Variants in TOX2 observed in about 807,000 individuals in gnomAD.
TOX2 encodes TOX high mobility group box family member 2, also known as granulosa cell HMG box 1.
TOX2 carries 15 observed loss-of-function variants against 47.4 expected under a neutral mutation model. The observed-to-expected ratio is 0.32, with a 90% confidence interval of 0.21 to 0.49. The LOEUF is 0.49. Ranked by LOEUF, TOX2 falls within the 20% of genes least tolerant of loss-of-function variation. TOX2 has a pLI of 0.99. For missense variants in TOX2, 622 were observed against 673.1 expected (o/e 0.92, Z 0.84); for synonymous variants, 290 against 296.6 (o/e 0.98, Z 0.23).
intron 1 of TOX2, among the ~76,000 whole-genome samples, chr20:43,950,088 C>T (rs182185049): frequency 2.0e-5 from 3 of 152,246 alleles, no homozygotes; most frequent in Non-Finnish European, 4.4e-5. Flanking sequence ...ACATCCTCCT[C>T]TTTCCCACTT....
intron 1 of TOX2, among the ~76,000 whole-genome samples, chr20:43,929,494 C>T (rs1033551004): frequency 7.5e-5 from 9 of 120,740 alleles, no homozygotes; most frequent in Middle Eastern, 4.5e-3. Context: ...TTTCTCAGAT[C>T]CCCCCACCCT....
intron 3 of TOX2, among the ~76,000 whole-genome samples, chr20:44,039,971 C>T (rs540767185): frequency 6.6e-6 from 1 of 152,300 alleles, no homozygotes; most frequent in East Asian, 1.9e-4. Flanking sequence ...GCAGGGTCTC[C>T]ACTGCATCTG....
chr20:43,942,299 T>C (rs2069412423), intron 1 of TOX2, among the ~76,000 whole-genome samples: 1 of 152,194 alleles, frequency 6.6e-6, no homozygotes, highest in Admixed American at 6.5e-5. Context: ...GGCCAAGATC[T>C]AAGGGTACAG....
At position 43,946,768 on chromosome 20, in the gene TOX2, G is replaced by T. The variant is rs142681290; in HGVS notation, c.100-26599G>T. Among the ~76,000 whole-genome samples the T allele has an allele frequency of 3.7e-3, 564 of 152,262 alleles. 5 individuals are homozygous for T. Among genetic ancestry groups the T allele is most frequent in the African/African-American group, 0.013 (538 of 41,544 alleles). ...AAATGCAGAAACCTAACGTGAAGGG[G>T]CCATCCCAGCTGTGCCTGGGAGGCT... On this transcript the variant is annotated intron_variant, in intron 1 of 8. Transcript: ENST00000341197.
At chr20:43,977,568 C>T (rs536274626) in intron 2 of TOX2, among the ~76,000 whole-genome samples, 8 of 152,196 alleles carry the variant, frequency 5.3e-5, no homozygotes, top group East Asian at 1.9e-4. Context: ...CGCCGCTCTA[C>T]GGGCTTGAAG....
intron 1 of TOX2, among the ~76,000 whole-genome samples, chr20:43,951,707 GTTTTTTT>G (rs59829203): frequency 5.4e-5 from 3 of 55,094 alleles, no homozygotes; most frequent in East Asian, 5.3e-4. Context: ...AACTTATTAT[GTTTTTTT>G]TTTTTTTTTT....
chr20:44,025,168 T>G (rs1227427244), intron 3 of TOX2, among the ~76,000 whole-genome samples: 1 of 152,036 alleles, frequency 6.6e-6, no homozygotes, highest in South Asian at 2.1e-4. Flanking sequence ...ATTTTATTAT[T>G]ATTATATTTT....
chr20:44,061,849 G>A (rs1205038740), intron 5 of TOX2, among the ~76,000 whole-genome samples: 1 of 152,006 alleles, frequency 6.6e-6, no homozygotes, highest in East Asian at 1.9e-4. Context: ...CAATAAATGT[G>A]ATATACCACA....
chr20:43,926,178 CT>C (rs1252212848), intron 1 of TOX2, among the ~76,000 whole-genome samples: 2 of 152,168 alleles, frequency 1.3e-5, no homozygotes, highest in Admixed American at 6.6e-5. Context: ...TTGAACTGAA[CT>C]TTATGATGTG....
At chr20:44,008,720 C>G (rs2070729503) in intron 3 of TOX2, among the ~76,000 whole-genome samples, 1 of 151,478 alleles carries the variant, frequency 6.6e-6, no homozygotes, top group African/African-American at 2.4e-5. Context: ...GCTTTTTTTC[C>G]CTTCACATTT....
intron 2 of TOX2, among the ~76,000 whole-genome samples, chr20:43,986,515 C>G (rs1369568609): frequency 1.4e-4 from 21 of 152,200 alleles, no homozygotes; most frequent in Non-Finnish European, 5.9e-5. Context: ...CTCCTGACCT[C>G]AAGTGATCTG....
intron 8 of TOX2, among the ~76,000 whole-genome samples, chr20:44,067,904 A>G (rs549994656): frequency 6.6e-6 from 1 of 152,338 alleles, no homozygotes; most frequent in South Asian, 2.1e-4. Flanking sequence ...TGGAAGGCAC[A>G]GCGCACTTGT....
chr20:44,035,863 A>T (rs567544033), intron 3 of TOX2, among the ~76,000 whole-genome samples: 1 of 152,346 alleles, frequency 6.6e-6, no homozygotes, highest in East Asian at 1.9e-4. Flanking sequence ...ACCCATGAGA[A>T]GTAAAGGAAG....
chr20:43,953,296 T>A (rs2069612570), intron 1 of TOX2, among the ~76,000 whole-genome samples: 1 of 152,124 alleles, frequency 6.6e-6, no homozygotes, highest in Non-Finnish European at 1.5e-5. Context: ...AACTAATATA[T>A]CACCTTCAGT....
chr20:44,014,523 G>A (rs981910729), intron 3 of TOX2, among the ~76,000 whole-genome samples: 6 of 152,128 alleles, frequency 3.9e-5, no homozygotes, highest in African/African-American at 1.2e-4. Flanking sequence ...TATAGGCTAT[G>A]TGGTCAGGCT....
chr20:44,056,259 A>G (rs1277982090), intron 5 of TOX2, among the ~76,000 whole-genome samples: 1 of 152,234 alleles, frequency 6.6e-6, no homozygotes, highest in Non-Finnish European at 1.5e-5. Flanking sequence ...GCAAAGGAAT[A>G]TAGCCGGTGG....
intron 3 of TOX2, among the ~76,000 whole-genome samples, chr20:44,041,292 G>A (rs2071327526): frequency 6.6e-6 from 1 of 152,212 alleles, no homozygotes; most frequent in African/African-American, 2.4e-5. Flanking sequence ...GGAGATGGGG[G>A]CAGGTGCAGA....
At chr20:43,951,853 A>G (rs12625448) in intron 1 of TOX2, among the ~76,000 whole-genome samples, 28,841 of 150,438 alleles carry the variant, frequency 0.19, 3,634 homozygotes, top group East Asian at 0.4. Flanking sequence ...GACTACAGGT[A>G]CATACCACCA....
At chr20:44,037,267 TC>T (rs1222755373) in intron 3 of TOX2, among the ~76,000 whole-genome samples, 18 of 152,220 alleles carry the variant, frequency 1.2e-4, no homozygotes, top group African/African-American at 4.3e-4. Context: ...TCTCACCTCT[TC>T]TTAGCCCAGT....
Sources: gnomAD v4.1 joint callset for allele counts (sites outside exome capture counted in the v4.1 genomes callset) on GRCh38, gnomAD v4.1.1 for gene constraint, MANE v1.5 for transcripts, NCBI Gene and HGNC (gene_info 2026-07-23, HGNC 2026-07-21) for gene names.